SGPP1: variants seen among roughly 807,000 people sequenced by gnomAD.
SGPP1 encodes the protein hSPP1.
In SGPP1, 21 loss-of-function variants were observed where a neutral mutation model predicts 33.0. The observed-to-expected ratio is 0.64, with a 90% CI of 0.45 to 0.92. The LOEUF (loss-of-function observed/expected upper bound fraction) is 0.92. Ranked by LOEUF, SGPP1 falls within the 40% of genes least tolerant of loss-of-function variation. The probability of loss-of-function intolerance (pLI) is 0.00; values close to 1 mark genes in which losing one functional copy is unlikely to be tolerated. For synonymous variants in SGPP1, 239 were observed against 241.2 expected, an observed-to-expected ratio of 0.99 and a Z score of 0.08; for missense variants, 543 against 589.4, an observed-to-expected ratio of 0.92 and a Z score of 0.81.
At chr14:63,695,557 G>C (rs1885171287) in intron 2 of SGPP1, among the ~76,000 whole-genome samples, 1 of 152,088 alleles carries the variant, frequency 6.6e-6, no homozygotes, top group Non-Finnish European at 1.5e-5. Context: ...TACACAAAAA[G>C]TAAAAATTAT....
At position 63,698,667 on chromosome 14, in the gene SGPP1, G is replaced by A. The variant is rs1566819365; in HGVS notation, c.685-9C>T. 1 of 1,479,948 alleles carries A rather than the reference G, an allele frequency of 6.8e-7. No homozygotes were observed. Among genetic ancestry groups the A allele is most frequent in the Non-Finnish European group, 9.2e-7 (1 of 1,089,312 alleles). 91.7% of individuals were successfully genotyped at this position (1,479,948 alleles called of 1,614,324 possible). ...CCATATATAAGAGGGTACTAAAGGG[G>A]AAAAAAAGTAAAATTAGTTAAACAA... is the stretch of plus-strand genomic sequence containing the variant. On this transcript the variant is annotated splice_polypyrimidine_tract_variant and intron_variant, in intron 1 of 2. Coordinates refer to ENST00000247225, the MANE Select transcript of SGPP1 (RefSeq NM_030791.4).
chr14:63,701,068 C>T (rs1406938691), intron 1 of SGPP1, among the ~76,000 whole-genome samples: 1 of 152,022 alleles, frequency 6.6e-6, no homozygotes, highest in Non-Finnish European at 1.5e-5. Context: ...GCAACCTCCA[C>T]CTCTCAGACT....
Position 63,707,925 on chromosome 14 carries a change from C to T in SGPP1, c.685-9267G>A, listed in dbSNP as rs116363803. ...GACAATAGTTGTATAGCTGCCTCGG[C>T]ACTCAGGAAAAAGTGAGTGTGGTAG... On this transcript the variant is annotated intron_variant, in intron 1 of 2. Coordinates refer to ENST00000247225, the MANE Select transcript of SGPP1 (RefSeq NM_030791.4). 3.6e-3 allele frequency among the ~76,000 whole-genome samples: 553 copies of T among 152,154 alleles called. 5 individuals carry two copies. Among genetic ancestry groups the T allele is most frequent in the East Asian group, 6.0e-3 (31 of 5,184 alleles).
intron 1 of SGPP1, among the ~76,000 whole-genome samples, chr14:63,713,565 TAA>T (rs1885564655): frequency 6.6e-6 from 1 of 152,174 alleles, no homozygotes; most frequent in Non-Finnish European, 1.5e-5. Context: ...TCAAAATCTC[TAA>T]AGTCTAAAAT....
chr14:63,696,993 A>C (rs1056124299), intron 2 of SGPP1, among the ~76,000 whole-genome samples: 2 of 152,140 alleles, frequency 1.3e-5, no homozygotes, highest in Non-Finnish European at 2.9e-5. Flanking sequence ...CTCAAAAAGA[A>C]AAAAAAGTGT....
chr14:63,699,818 G>A (rs918633183), intron 1 of SGPP1, among the ~76,000 whole-genome samples: 2 of 151,084 alleles, frequency 1.3e-5, no homozygotes, highest in African/African-American at 4.9e-5. Flanking sequence ...AAATACCCTC[G>A]ATAGTCATAG....
chr14:63,727,711 G>C lies in SGPP1; in HGVS notation c.234C>G (p.Ala78=). ...TGGGGGCGCCGCCGCCGTCCGGCTT[G>C]GCCGGGCACTGATTGCGGTCGCTCC... ...PPGSDRNQCP[A]KPDGGGAPNG... is the part of the protein sequence containing the mutation. Residue 78 remains alanine, a synonymous_variant, in exon 1 of 3, where the codon GCC becomes GCG. Coordinates refer to ENST00000247225, the MANE Select transcript of SGPP1 (RefSeq NM_030791.4). The C allele has an allele frequency of 7.2e-7, 1 of 1,387,964 alleles. No individual in the cohort carries two copies. Among genetic ancestry groups the C allele is most frequent in the Admixed American group, 3.6e-5 (1 of 27,752 alleles). 86.0% of individuals were successfully genotyped at this position (1,387,964 alleles called of 1,614,324 possible).
intron 1 of SGPP1, 33 bp from the exon 2 acceptor site, chr14:63,698,691 A>G: frequency 1.7e-6 from 2 of 1,200,742 alleles, no homozygotes; most frequent in Non-Finnish European, 2.4e-6. Flanking sequence ...TTAGTTAAAC[A>G]AATTTAAGTT....
intron 1 of SGPP1, among the ~76,000 whole-genome samples, chr14:63,709,466 CTA>C (rs1471261977): frequency 6.6e-6 from 1 of 151,696 alleles, no homozygotes; most frequent in African/African-American, 2.4e-5. Flanking sequence ...GTATTATACT[CTA>C]GTGACCTATT....
At chr14:63,697,127 C>T (rs1885202801) in intron 2 of SGPP1, among the ~76,000 whole-genome samples, 1 of 152,154 alleles carries the variant, frequency 6.6e-6, no homozygotes, top group African/African-American at 2.4e-5. Flanking sequence ...CTTGGCATCA[C>T]ACAATATACC....
At position 63,698,579 on chromosome 14, in the gene SGPP1, T is replaced by G; in HGVS notation, c.764A>C (p.His255Pro). 6.4e-7 allele frequency: 1 copy of G among 1,565,194 alleles called. No homozygotes were observed. Among genetic ancestry groups the G allele is most frequent in the South Asian group, 1.1e-5 (1 of 87,974 alleles). The part of the protein sequence containing the change: ...VCLSRIYMGM[H>P]SILDIIAGFL... ...CAACATTTTCCTTACCAGAATAGAG[T>G]GCATTCCCATGTAAATTCTACTTAG... The change falls in exon 2 of 3, where the codon CAC becomes CCC. Residue 255 changes from histidine to proline, a missense_variant. Coordinates refer to ENST00000247225, the MANE Select transcript of SGPP1 (RefSeq NM_030791.4).
At chr14:63,720,191 G>C (rs939239082) in intron 1 of SGPP1, among the ~76,000 whole-genome samples, 2 of 151,150 alleles carry the variant, frequency 1.3e-5, no homozygotes, top group African/African-American at 4.9e-5. Context: ...ACTTTGGTAA[G>C]CTGAGGCAGG....
Position 63,702,035 on chromosome 14 carries a change from A to C in SGPP1, c.685-3377T>G, listed in dbSNP as rs556607380. On this transcript the variant is annotated intron_variant, in intron 1 of 2. Transcript: ENST00000247225. ...CCTATAAGGAAGTAGAAATGTACAA[A>C]ATTACTGATAAGAGTTCTTTATACA... is the stretch of plus-strand genomic sequence containing the variant. 8.8e-4 allele frequency among the ~76,000 whole-genome samples: 134 copies of C among 152,234 alleles called. 1 individual carries two copies. The highest frequency in any genetic ancestry group is 3.1e-3 in the African/African-American group (130 of 41,544).
chr14:63,696,789 C>T (rs1377377881), intron 2 of SGPP1, among the ~76,000 whole-genome samples: 2 of 152,120 alleles, frequency 1.3e-5, no homozygotes, highest in Admixed American at 1.3e-4. Context: ...AGTCTGAGAC[C>T]AGCCTGGCCA....
At chr14:63,713,585 A>G (rs1885565236) in intron 1 of SGPP1, among the ~76,000 whole-genome samples, 1 of 152,214 alleles carries the variant, frequency 6.6e-6, no homozygotes, top group Non-Finnish European at 1.5e-5. Context: ...AATCTCTAAT[A>G]TCTAAAATCC....
chr14:63,719,235 C>A (rs931613184), intron 1 of SGPP1, among the ~76,000 whole-genome samples: 1 of 150,428 alleles, frequency 6.6e-6, no homozygotes. Flanking sequence ...CCATGTCTGA[C>A]CTCGGCTGAT....
At chr14:63,718,857 A>G (rs1323620984) in intron 1 of SGPP1, among the ~76,000 whole-genome samples, 1 of 150,216 alleles carries the variant, frequency 6.7e-6, no homozygotes, top group African/African-American at 2.4e-5. Context: ...ATAAGTGGTC[A>G]ATAAACCTAT....
chr14:63,716,404 G>A (rs1885627346), intron 1 of SGPP1, among the ~76,000 whole-genome samples: 1 of 152,104 alleles, frequency 6.6e-6, no homozygotes, highest in African/African-American at 2.4e-5. Flanking sequence ...TGAGGCAGGA[G>A]AATCGCTTGA....
At chr14:63,697,110 T>C (rs7148755) in intron 2 of SGPP1, among the ~76,000 whole-genome samples, 24,235 of 152,084 alleles carry the variant, frequency 0.16, 5,180 homozygotes, top group African/African-American at 0.49. Context: ...TCAATAGACG[T>C]CCAAATCTTG....
Sources: allele counts gnomAD v4.1 joint callset (sites outside exome capture counted in the v4.1 genomes callset), GRCh38; gene constraint gnomAD v4.1.1; transcripts MANE v1.5; gene names NCBI Gene and HGNC (gene_info 2026-07-23, HGNC 2026-07-21).